HLA-DRA: variants seen among roughly 807,000 people sequenced by gnomAD.
HLA-DRA encodes the protein HLA class II histocompatibility antigen, DR alpha chain.
In HLA-DRA, 8 loss-of-function variants were observed where a neutral mutation model predicts 22.1. The ratio of observed to expected loss-of-function variants is 0.36; its 90% CI spans 0.21 to 0.65. The LOEUF is 0.65. Among genes scored for constraint, HLA-DRA ranks in the 30% least tolerant of loss-of-function variants. The pLI, the probability that HLA-DRA is intolerant of heterozygous loss-of-function variation, is 0.63. For synonymous variants in HLA-DRA, 101 were observed against 117.1 expected (o/e 0.86, Z 0.89); for missense variants, 248 against 321.3 (o/e 0.77, Z 1.74).
Position 32,444,666 on chromosome 6 carries a change from TAGAG to T in HLA-DRA, c.*30_*33del, listed in dbSNP as rs1762820824. 6.6e-6 allele frequency: 1 copy of T among 152,182 alleles called. No homozygotes were observed. The highest frequency in any genetic ancestry group is 2.4e-5 in the African/African-American group (1 of 41,448). 9.4% of individuals were successfully genotyped at this position (152,182 alleles called of 1,614,324 possible). A position where few individuals can be genotyped will look rare whatever the true frequency, so the allele number is the denominator to read the frequency against. On this transcript the variant is annotated 3_prime_UTR_variant, in exon 5 of 5. Transcript: ENST00000395388. Reference sequence around the variant, plus strand: ...TCTTGCTATAGGTGATGGTGTTTCTTAGAGAGAAGATCACTGAAGAAACTTCTGC... The same window carrying T: ...TCTTGCTATAGGTGATGGTGTTTCTTAGAAGATCACTGAAGAAACTTCTGC...
At chr6:32,444,056 C>T (rs2239803) in intron 4 of HLA-DRA, 135 bp downstream of exon 4, 273,731 of 578,398 alleles carry the variant, frequency 0.47, 67,925 homozygotes, top group Middle Eastern at 0.68. Flanking sequence ...TTTGCTAGAA[C>T]GAATCAGACA....
At position 32,443,819 on chromosome 6, in the gene HLA-DRA, C is replaced by T. The variant is rs780271812; in HGVS notation, c.674C>T (p.Thr225Ile). Residue 225 changes from threonine (T) to isoleucine (I), a missense_variant, in exon 4 of 5, where the codon ACT becomes ATT. Coordinates refer to ENST00000395388, the MANE Select transcript of HLA-DRA (RefSeq NM_019111.5). Reference protein sequence around the residue: ...TENVVCALGLTVGLVGIIIGT... With the variant: ...TENVVCALGLIVGLVGIIIGT... Reference sequence around the variant, plus strand: ...AACGTGGTGTGTGCCCTGGGCCTGACTGTGGGTCTGGTGGGCATCATTATT... The same window carrying T: ...AACGTGGTGTGTGCCCTGGGCCTGATTGTGGGTCTGGTGGGCATCATTATT... The T allele has an allele frequency of 7.4e-6, 12 of 1,612,394 alleles. No homozygotes were observed. The Middle Eastern group carries it at 8.3e-4, about 111-fold the overall frequency.
At chr6:32,442,774 T>A in intron 2 of HLA-DRA, 81 bp downstream of exon 2, 1 of 1,533,674 alleles carries the variant, frequency 6.5e-7, no homozygotes, top group South Asian at 1.2e-5. Context: ...TGTTAGATTA[T>A]TGTAACTGAT....
Position 32,440,006 on chromosome 6 carries a change from G to A in HLA-DRA, c.56G>A (p.Ser19Asn). ...TTTTTCATCATAGCTGTGCTGATGA[G>A]CGCTCAGGAATCATGGGCTATCAAA... Reference protein sequence around the residue: ...LGFFIIAVLMSAQESWAIKEE... With the variant: ...LGFFIIAVLMNAQESWAIKEE... Residue 19 changes from serine (S) to asparagine (N), a missense_variant, in exon 1 of 5, where the codon AGC becomes AAC. Transcript: ENST00000395388. The A allele has an allele frequency of 6.2e-7, 1 of 1,614,046 alleles. No individual in the cohort carries two copies. Among genetic ancestry groups the A allele is most frequent in the Non-Finnish European group, 8.5e-7 (1 of 1,179,980 alleles).
intron 4 of HLA-DRA, among the ~76,000 whole-genome samples, 159 bp from the exon 5 acceptor site, chr6:32,444,493 G>A (rs1762810895): frequency 1.1e-5 from 1 of 94,006 alleles, no homozygotes; most frequent in Non-Finnish European, 2.3e-5. Context: ...ATGTTCAGTT[G>A]GAGAGTAGGG....
At chr6:32,441,269 G>A (rs9268651) in intron 1 of HLA-DRA, among the ~76,000 whole-genome samples, 10,255 of 152,222 alleles carry the variant, frequency 0.067, 521 homozygotes, top group South Asian at 0.19. Flanking sequence ...GAGGCAGGAG[G>A]ATTGCTTGAA....
chr6:32,442,357 C>A, intron 1 of HLA-DRA, 91 bp from the exon 2 acceptor site: 1 of 1,475,068 alleles, frequency 6.8e-7, no homozygotes, highest in Non-Finnish European at 9.4e-7. Flanking sequence ...AATCTCTCTC[C>A]ACTACTTCCT....
chr6:32,444,990 T>C lies in HLA-DRA; in HGVS notation c.*350T>C, dbSNP rs1762841459. 6.5e-6 allele frequency: 1 copy of C among 154,250 alleles called. No homozygotes were observed. Among genetic ancestry groups the C allele is most frequent in the South Asian group, 2.0e-4 (1 of 4,922 alleles). 9.6% of individuals were successfully genotyped at this position (154,250 alleles called of 1,614,324 possible). ...TCTTGTGTACTTATTGTTTAAGGTT[T>C]CCTCAAACTGTGATTTTTCTGAACA... On this transcript the variant is annotated 3_prime_UTR_variant, in exon 5 of 5. Transcript: ENST00000395388.
chr6:32,441,753 G>A (rs3129882), intron 1 of HLA-DRA, among the ~76,000 whole-genome samples: 84,019 of 151,994 alleles, frequency 0.55, 23,495 homozygotes, highest in Non-Finnish European at 0.57. Flanking sequence ...CTTAAATAAA[G>A]AGAAGCTTCT....
intron 1 of HLA-DRA, among the ~76,000 whole-genome samples, chr6:32,440,536 G>A (rs1464269176): frequency 3.9e-5 from 6 of 152,176 alleles, no homozygotes; most frequent in African/African-American, 1.4e-4. Context: ...ATATTGTGTT[G>A]AAGATTACTA....
At chr6:32,440,165 A>G (rs1399333993) in intron 1 of HLA-DRA, 133 bp downstream of exon 1, 3 of 829,938 alleles carry the variant, frequency 3.6e-6, no homozygotes, top group Non-Finnish European at 6.0e-6. Context: ...GACAGAAAGT[A>G]TAACAAATTG....
chr6:32,443,320 CAGG>C lies in HLA-DRA; in HGVS notation c.467_469del (p.Gly156del). 1 of 1,613,086 alleles carries C rather than the reference CAGG, an allele frequency of 6.2e-7. No individual in the cohort carries two copies. Among genetic ancestry groups the C allele is most frequent in the South Asian group, 1.1e-5 (1 of 91,086 alleles). Reference sequence around the variant, plus strand: ...CTTCGAAATGGAAAACCTGTCACCACAGGAGTGTCAGAGACAGTCTTCCTGCCC... The same window carrying C: ...CTTCGAAATGGAAAACCTGTCACCACAGTGTCAGAGACAGTCTTCCTGCCC... On this transcript the variant is annotated inframe_deletion, in exon 3 of 5. Coordinates refer to ENST00000395388, the MANE Select transcript of HLA-DRA (RefSeq NM_019111.5).
At chr6:32,444,204 G>A (rs1762793145) in intron 4 of HLA-DRA, among the ~76,000 whole-genome samples, 1 of 109,826 alleles carries the variant, frequency 9.1e-6, no homozygotes, top group Non-Finnish European at 2.2e-5. Context: ...TGAGTCTAGG[G>A]ATCTAGAAAA....
In HLA-DRA at chr6:32,441,652, C is replaced by A. The variant is rs890185340; in HGVS notation, c.83-796C>A. 2.0e-4 allele frequency among the ~76,000 whole-genome samples: 31 copies of A among 152,180 alleles called. 1 individual carries two copies. Among genetic ancestry groups the A allele is most frequent in the Admixed American group, 1.1e-3 (17 of 15,274 alleles). On this transcript the variant is annotated intron_variant, in intron 1 of 4. Transcript: ENST00000395388. ...GGTAACCACCGTGTGGGTTTGGATGCTGGGAAGCAGGGGGACTATGACGCT... is the reference window on the plus strand; with the variant it reads ...GGTAACCACCGTGTGGGTTTGGATGATGGGAAGCAGGGGGACTATGACGCT...
intron 1 of HLA-DRA, among the ~76,000 whole-genome samples, 154 bp from the exon 2 acceptor site, chr6:32,442,294 C>A (rs1762666772): frequency 6.6e-6 from 1 of 152,094 alleles, no homozygotes; most frequent in African/African-American, 2.4e-5. Context: ...TCACCCAGAC[C>A]TTGTCTTGTC....
chr6:32,444,025 A>G (rs966631715), intron 4 of HLA-DRA, 104 bp downstream of exon 4: 9 of 787,808 alleles, frequency 1.1e-5, no homozygotes, highest in Non-Finnish European at 1.7e-5. Context: ...AGGTAGGAAC[A>G]GATGTGGCTC....
Position 32,443,737 on chromosome 6 carries a change from C to T in HLA-DRA, c.611-19C>T. On this transcript the variant is annotated intron_variant, in intron 3 of 4. Coordinates refer to ENST00000395388, the MANE Select transcript of HLA-DRA (RefSeq NM_019111.5). ...CTTCCCACACTCATTACCATGTACT[C>T]TGCCTTATTTCCCCCCAGAGTTTGA... The T allele has an allele frequency of 6.4e-7, 1 of 1,559,686 alleles. No homozygotes were observed. Among genetic ancestry groups the T allele is most frequent in the African/African-American group, 1.4e-5 (1 of 73,198 alleles).
intron 1 of HLA-DRA, among the ~76,000 whole-genome samples, chr6:32,440,958 A>G (rs3129878): frequency 6.6e-6 from 1 of 152,050 alleles, no homozygotes; most frequent in Non-Finnish European, 1.5e-5. Context: ...AAGACAGAGG[A>G]TCTTCCCTTG....
intron 1 of HLA-DRA, 127 bp from the exon 2 acceptor site, chr6:32,442,321 C>T (rs1762669125): frequency 9.8e-6 from 11 of 1,126,208 alleles, no homozygotes; most frequent in Non-Finnish European, 1.4e-5. Flanking sequence ...CCCTACTCGC[C>T]ATCATTCTTT....
Sources: gnomAD v4.1 joint callset for allele counts (sites outside exome capture counted in the v4.1 genomes callset) on GRCh38, gnomAD v4.1.1 for gene constraint, MANE v1.5 for transcripts, NCBI Gene and HGNC (gene_info 2026-07-23, HGNC 2026-07-21) for gene names.